The following ZMYM4 variants were observed in gnomAD, a reference collection of about 807,000 sequenced individuals.
The protein encoded by ZMYM4 is zinc finger MYM-type containing 4.
ZMYM4 carries 31 observed loss-of-function variants against 183.2 expected under a neutral mutation model. The observed-to-expected ratio is 0.17, with a 90% CI of 0.13 to 0.23. The LOEUF is 0.23. ZMYM4 is among the 10% of genes least tolerant of loss of function. ZMYM4 has a pLI of 1.00. For missense variants in ZMYM4, 1,273 were observed against 1,840.3 expected (o/e 0.69, Z 5.64); for synonymous variants, 592 against 631.2 (o/e 0.94, Z 0.93).
At chr1:35,377,148 C>T (rs1644353086) in intron 7 of ZMYM4, among the ~76,000 whole-genome samples, 1 of 152,116 alleles carries the variant, frequency 6.6e-6, no homozygotes, top group Admixed American at 6.5e-5. Context: ...CTCAAGTGAT[C>T]TGCCCACCTC....
intron 25 of ZMYM4, among the ~76,000 whole-genome samples, chr1:35,407,154 T>C (rs1645016691): frequency 6.6e-6 from 1 of 152,032 alleles, no homozygotes; most frequent in African/African-American, 2.4e-5. Context: ...AAACAGCTGG[T>C]CGGGTGTAGT....
chr1:35,368,061 G>GCCACCCC (rs1644130329), intron 5 of ZMYM4, among the ~76,000 whole-genome samples: 3 of 98,286 alleles, frequency 3.1e-5, no homozygotes, highest in Non-Finnish European at 4.1e-5. Context: ...CAAATCCAGC[G>GCCACCCC]CCCCCCCCCC....
Position 35,399,513 on chromosome 1 carries a change from A to AAGG in ZMYM4, c.3466_3467insGGA (p.Gly1155_Ile1156insArg). ...TTGACCCACTTAATAAAGGACAGGGAATCCAGGCACGTTCCCGAACAAGAC... is the reference window on the plus strand; with the variant it reads ...TTGACCCACTTAATAAAGGACAGGGAAGGATCCAGGCACGTTCCCGAACAAGAC... On this transcript the variant is annotated inframe_insertion, in exon 23 of 30. Coordinates refer to ENST00000314607, the MANE Select transcript of ZMYM4 (RefSeq NM_005095.3). 6.2e-7 allele frequency: 1 copy of AAGG among 1,614,032 alleles called. No individual in the cohort carries two copies. The highest frequency in any genetic ancestry group is 8.5e-7 in the Non-Finnish European group (1 of 1,179,994).
chr1:35,307,175 A>G (rs1324771662), intron 1 of ZMYM4, among the ~76,000 whole-genome samples: 1 of 152,160 alleles, frequency 6.6e-6, no homozygotes, highest in Non-Finnish European at 1.5e-5. Context: ...AATTACTTTC[A>G]TCTTTTGAAT....
chr1:35,370,338 ATTTTTTTT>A (rs35122134), intron 6 of ZMYM4, 26 bp from the exon 7 acceptor site: 57 of 1,129,070 alleles, frequency 5.0e-5, no homozygotes, highest in South Asian at 2.2e-4. Context: ...TTTTCTTTCA[ATTTTTTTT>A]TTTTTTTTTT....
In ZMYM4 at chr1:35,419,704, A is replaced by G. The variant is rs780890830; in HGVS notation, c.*27A>G. On this transcript the variant is annotated 3_prime_UTR_variant, in exon 30 of 30. Transcript: ENST00000314607. ...ACGGAAGTGAGGTTCTTATTTTCATACATATTGGTATGCACCAAACTGTGA... is the reference window on the plus strand; with the variant it reads ...ACGGAAGTGAGGTTCTTATTTTCATGCATATTGGTATGCACCAAACTGTGA... 4 of 1,610,868 alleles carry G rather than the reference A, an allele frequency of 2.5e-6. No individual in the cohort carries two copies. The highest frequency in any genetic ancestry group is 3.4e-6 in the Non-Finnish European group (4 of 1,177,636).
chr1:35,347,592 G>A (rs1217389760), intron 2 of ZMYM4, among the ~76,000 whole-genome samples: 1 of 152,032 alleles, frequency 6.6e-6, no homozygotes, highest in Non-Finnish European at 1.5e-5. Context: ...TTGTTTATCT[G>A]AATAGAAAGG....
intron 23 of ZMYM4, 91 bp downstream of exon 23, chr1:35,399,667 CAG>C: frequency 1.5e-6 from 2 of 1,358,904 alleles, no homozygotes; most frequent in Non-Finnish European, 2.1e-6. Flanking sequence ...CTGTAACAGC[CAG>C]AGTCAGGTAG....
intron 1 of ZMYM4, among the ~76,000 whole-genome samples, chr1:35,321,329 G>A (rs1642273388): frequency 6.6e-6 from 1 of 152,108 alleles, no homozygotes; most frequent in Non-Finnish European, 1.5e-5. Flanking sequence ...GCTTGAAGCT[G>A]AGTATATGTT....
chr1:35,323,431 T>G (rs1029849299), intron 1 of ZMYM4, among the ~76,000 whole-genome samples: 2 of 152,240 alleles, frequency 1.3e-5, no homozygotes, highest in Non-Finnish European at 2.9e-5. Context: ...CTTGGGACAG[T>G]ATTGTTCAAA....
chr1:35,348,623 A>G (rs1643483726), intron 2 of ZMYM4, among the ~76,000 whole-genome samples: 1 of 152,192 alleles, frequency 6.6e-6, no homozygotes, highest in Non-Finnish European at 1.5e-5. Flanking sequence ...CCATTTTTCT[A>G]TTGTAAATGT....
At chr1:35,351,404 C>G (rs1643600944) in intron 2 of ZMYM4, 2 of 1,572,228 alleles carry the variant, frequency 1.3e-6, no homozygotes, top group African/African-American at 1.3e-5. Context: ...ACATAAAGAA[C>G]AGCGTAACTC....
In ZMYM4 at chr1:35,358,735, C is replaced by T. The variant is rs1303619519; in HGVS notation, c.86-190C>T. 2.8e-5 allele frequency: 14 copies of T among 496,652 alleles called. 1 individual carries two copies. Among genetic ancestry groups the T allele is most frequent in the Non-Finnish European group, 4.4e-5 (13 of 295,250 alleles). 30.8% of individuals were successfully genotyped at this position (496,652 alleles called of 1,614,324 possible). A position where few individuals can be genotyped will look rare whatever the true frequency, so the allele number is the denominator to read the frequency against. ...TAAAGTAGTTTCTCAAGTTTTGGCT[C>T]CTTGTTTCCTTAACTGTCAGATAGG... On this transcript the variant is annotated intron_variant, in intron 2 of 29. Coordinates refer to ENST00000314607, the MANE Select transcript of ZMYM4 (RefSeq NM_005095.3).
chr1:35,386,592 A>G (rs191421960), intron 11 of ZMYM4, among the ~76,000 whole-genome samples: 5 of 152,320 alleles, frequency 3.3e-5, no homozygotes, highest in African/African-American at 4.8e-5. Flanking sequence ...TTGGGCAGGG[A>G]CACGAATTCA....
intron 1 of ZMYM4, among the ~76,000 whole-genome samples, chr1:35,306,131 A>G (rs577651348): frequency 6.6e-6 from 1 of 151,940 alleles, no homozygotes; most frequent in Non-Finnish European, 1.5e-5. Flanking sequence ...TTCTCGCCTT[A>G]TTGTAGGTAG....
rs375247381 is a variant in ZMYM4, at chr1:35,395,599, T to C, written c.2912-953T>C. 7.2e-5 allele frequency among the ~76,000 whole-genome samples: 11 copies of C among 152,212 alleles called. No individual in the cohort carries two copies. The East Asian group carries it at 9.6e-4, about 13-fold the overall frequency. On this transcript the variant is annotated intron_variant, in intron 18 of 29. Coordinates refer to ENST00000314607, the MANE Select transcript of ZMYM4 (RefSeq NM_005095.3). ...AGGACTCTATATGCTCCTTGACTTA[T>C]AATGTTGTACCCATCATATGTTAAA...
At chr1:35,415,024 G>A (rs906889690) in intron 27 of ZMYM4, among the ~76,000 whole-genome samples, 2 of 152,048 alleles carry the variant, frequency 1.3e-5, no homozygotes, top group African/African-American at 4.8e-5. Context: ...CTCCAGCCTG[G>A]GTGACAGAGT....
chr1:35,358,899 G>C, intron 2 of ZMYM4, 26 bp from the exon 3 acceptor site: 1 of 1,588,654 alleles, frequency 6.3e-7, no homozygotes, highest in Non-Finnish European at 8.6e-7. Flanking sequence ...ACTATCATTT[G>C]TCTAAACAGT....
Position 35,395,862 on chromosome 1 carries a change from T to C in ZMYM4, c.2912-690T>C, listed in dbSNP as rs143470440. ...CATCATAAAGTTGGAAAATCCTGTA[T>C]TGAACCATCGTTAAGTTGGGGACCG... On this transcript the variant is annotated intron_variant, in intron 18 of 29. Transcript: ENST00000314607. Among the ~76,000 whole-genome samples the C allele has an allele frequency of 2.7e-4, 41 of 152,356 alleles. 1 individual carries two copies. The East Asian group carries it at 7.5e-3, about 28-fold the overall frequency.
Sources: allele counts gnomAD v4.1 joint callset (sites outside exome capture counted in the v4.1 genomes callset), GRCh38; gene constraint gnomAD v4.1.1; transcripts MANE v1.5; gene names NCBI Gene and HGNC (gene_info 2026-07-23, HGNC 2026-07-21).